NUP214: variants seen among roughly 807,000 people sequenced by gnomAD.
NUP214 encodes the protein nucleoporin 214.
A neutral mutation model predicts 196.2 loss-of-function variants in NUP214; 79 were observed. That is an observed-to-expected ratio of 0.40 (90% CI 0.34 to 0.49). NUP214 has a LOEUF of 0.49. Ranked by LOEUF, NUP214 falls within the 20% of genes least tolerant of loss-of-function variation. The pLI is 0.58. For missense variants in NUP214, 2,468 were observed against 2,539.0 expected (o/e 0.97, Z 0.60); for synonymous variants, 1,020 against 990.5 (o/e 1.03, Z -0.56).
chr9:131,232,190 A>G lies in NUP214; in HGVS notation c.6215-94A>G, dbSNP rs1445671594. 8 of 1,356,256 alleles carry G rather than the reference A, an allele frequency of 5.9e-6. No homozygotes were observed. Among genetic ancestry groups the G allele is most frequent in the Non-Finnish European group, 7.4e-6 (7 of 944,842 alleles). The allele number at this position is 1,356,256 out of a possible 1,614,324, so 84.0% of individuals were successfully genotyped here. ...GTGGAGGCACGGAGGGCTTCCCACA[A>G]GAAGCACAGAGGAGGGCAGACACTT... On this transcript the variant is annotated intron_variant, in intron 34 of 35. Transcript: ENST00000359428. This position sits in a 1 kb window ranked among gnomAD's most constrained non-coding sequence, Gnocchi z 5.1.
At chr9:131,164,903 G>T (rs1480192827) in intron 21 of NUP214, among the ~76,000 whole-genome samples, 3 of 152,012 alleles carry the variant, frequency 2.0e-5, no homozygotes, top group African/African-American at 7.3e-5. Flanking sequence ...ATTTTTCTTT[G>T]AGATTCTGTT....
intron 5 of NUP214, among the ~76,000 whole-genome samples, chr9:131,132,115 C>CTTTTTTTTTTTTT (rs142450352): frequency 2.8e-5 from 3 of 108,172 alleles, no homozygotes; most frequent in Non-Finnish European, 5.5e-5. Context: ...CTTTTCTTTT[C>CTTTTTTTTTTTTT]TTTCTTTTTT....
intron 11 of NUP214, among the ~76,000 whole-genome samples, chr9:131,142,581 A>G (rs1337394235): frequency 1.3e-5 from 2 of 152,344 alleles, no homozygotes; most frequent in East Asian, 3.9e-4. Flanking sequence ...TCAGTGGAAA[A>G]AATGCTTTTG....
At chr9:131,223,711 T>TTTTATTTATTTATTTATTTTTATTTA (rs1834630621) in intron 32 of NUP214, among the ~76,000 whole-genome samples, 2 of 27,136 alleles carry the variant, frequency 7.4e-5, no homozygotes, top group Non-Finnish European at 1.6e-4. Flanking sequence ...TTTTTTTTAT[T>TTTTATTTATTTATTTATTTTTATTTA]TTTATTTATT....
chr9:131,160,668 A>T (rs985581728), intron 18 of NUP214, among the ~76,000 whole-genome samples: 1 of 152,266 alleles, frequency 6.6e-6, no homozygotes. Context: ...TTTCAGTGGG[A>T]CAACCTGGGT....
intron 30 of NUP214, among the ~76,000 whole-genome samples, chr9:131,204,518 G>A (rs917107801): frequency 1.3e-5 from 2 of 152,178 alleles, no homozygotes; most frequent in African/African-American, 4.8e-5. Context: ...ATATGTAAAC[G>A]AATGCGCATG....
chr9:131,137,552 CTT>C (rs11338707), intron 9 of NUP214, among the ~76,000 whole-genome samples: 890 of 88,716 alleles, frequency 0.01, 11 homozygotes, highest in Admixed American at 0.039. Flanking sequence ...CTGGTGGTAT[CTT>C]TTTTTTTTTT....
At position 131,216,525 on chromosome 9, in the gene NUP214, C is replaced by CTT. The variant is rs59503012; in HGVS notation, c.5749+1171_5749+1172dup. 4.0e-3 allele frequency among the ~76,000 whole-genome samples: 500 copies of CTT among 126,152 alleles called. 2 individuals are homozygous for CTT. The highest frequency in any genetic ancestry group is 0.013 in the East Asian group (56 of 4,222). 82.8% of individuals were successfully genotyped at this position (126,152 alleles called of 152,430 possible). A position where few individuals can be genotyped will look rare whatever the true frequency, so the allele number is the denominator to read the frequency against. ...ACAGGCGTGAACCACCACGCCCAGG[C>CTT]TTTTTTTTTTTTTTTCCTTTTTTTT... On this transcript the variant is annotated intron_variant, in intron 31 of 35. Transcript: ENST00000359428.
Position 131,130,925 on chromosome 9 carries a change from T to G in NUP214, c.663+89T>G, listed in dbSNP as rs1360746458. 16 of 975,928 alleles carry G rather than the reference T, an allele frequency of 1.6e-5. No individual in the cohort carries two copies. The East Asian group carries it at 3.3e-4, about 20-fold the overall frequency. The allele number at this position is 975,928 out of a possible 1,614,324, so 60.5% of individuals were successfully genotyped here. A position where few individuals can be genotyped will look rare whatever the true frequency, so the allele number is the denominator to read the frequency against. On this transcript the variant is annotated intron_variant, in intron 5 of 35. Coordinates refer to ENST00000359428, the MANE Select transcript of NUP214 (RefSeq NM_005085.4). ...GGAGTATCTTTCTTGTTTTTCCTAT[T>G]AAAAAGTAATTTATACTCATTGTAA...
intron 18 of NUP214, among the ~76,000 whole-genome samples, chr9:131,160,359 A>T (rs1832592248): frequency 2.0e-5 from 3 of 152,258 alleles, no homozygotes; most frequent in Admixed American, 6.5e-5. Flanking sequence ...GTATATTTCA[A>T]ATTTTCTTTT....
At chr9:131,195,630 GA>G (rs1833751242) in intron 28 of NUP214, 1 of 253,412 alleles carries the variant, frequency 3.9e-6, no homozygotes, top group Non-Finnish European at 7.6e-6. Flanking sequence ...TGTAGGGCAA[GA>G]TAGACATGGT....
At chr9:131,209,581 T>C (rs1269728127) in intron 30 of NUP214, among the ~76,000 whole-genome samples, 1 of 151,972 alleles carries the variant, frequency 6.6e-6, no homozygotes, top group Non-Finnish European at 1.5e-5. Flanking sequence ...TTTAGTAGAG[T>C]TGGAGTTTCA....
At chr9:131,222,615 GAGAA>G in intron 31 of NUP214, 159 bp from the exon 32 acceptor site, 1 of 670,526 alleles carries the variant, frequency 1.5e-6, no homozygotes, top group Non-Finnish European at 2.4e-6. Context: ...GTGAAAATCA[GAGAA>G]AGTACCTGTT....
At chr9:131,218,195 A>G (rs762731247) in intron 31 of NUP214, among the ~76,000 whole-genome samples, 3 of 152,232 alleles carry the variant, frequency 2.0e-5, no homozygotes, top group Non-Finnish European at 4.4e-5. Context: ...AACACTTAAC[A>G]TTGTATTATT....
chr9:131,195,119 A>G, intron 27 of NUP214, 114 bp from the exon 28 acceptor site: 1 of 721,322 alleles, frequency 1.4e-6, no homozygotes. Flanking sequence ...TTTATCTTCT[A>G]GATTGTAAAT....
chr9:131,134,850 G>C, intron 7 of NUP214, 48 bp from the exon 8 acceptor site: 1 of 1,227,470 alleles, frequency 8.1e-7, no homozygotes, highest in Non-Finnish European at 1.2e-6. Context: ...TGTGGGATCT[G>C]AGAAAAATTG....
chr9:131,222,660 C>T lies in NUP214; in HGVS notation c.5750-118C>T, dbSNP rs1034213100. 6 of 1,238,388 alleles carry T rather than the reference C, an allele frequency of 4.8e-6. No individual in the cohort carries two copies. In the African/African-American group the frequency reaches 9.1e-5, roughly 19 times the overall value. The allele number at this position is 1,238,388 out of a possible 1,614,324, so 76.7% of individuals were successfully genotyped here. ...CACTGTCGCTCCGCTCCCTTGGCTT[C>T]TAGGCGGCTTGTCACTCCCATCTTT... is the stretch of plus-strand genomic sequence containing the variant. On this transcript the variant is annotated intron_variant, in intron 31 of 35. Transcript: ENST00000359428.
chr9:131,141,920 A>G (rs1831928076), intron 11 of NUP214, among the ~76,000 whole-genome samples: 1 of 152,196 alleles, frequency 6.6e-6, no homozygotes, highest in Admixed American at 6.5e-5. Flanking sequence ...GCAAAAATGT[A>G]TGACCAGTTG....
chr9:131,186,779 A>G (rs576518384), intron 24 of NUP214, among the ~76,000 whole-genome samples: 2 of 152,344 alleles, frequency 1.3e-5, no homozygotes, highest in East Asian at 3.9e-4. Context: ...GGAATGGAAC[A>G]GTGGTACATT....
Sources: gnomAD v4.1 joint callset for allele counts (sites outside exome capture counted in the v4.1 genomes callset) on GRCh38, gnomAD v4.1.1 for gene constraint, Gnocchi (gnomAD v3.1) non-coding constraint, MANE v1.5 for transcripts, NCBI Gene and HGNC (gene_info 2026-07-23, HGNC 2026-07-21) for gene names.